CACNA2D3: variants seen among roughly 807,000 people sequenced by gnomAD.
The protein encoded by CACNA2D3 is calcium voltage-gated channel auxiliary subunit alpha2delta 3, also known as voltage-dependent calcium channel subunit alpha-2/delta-3.
A neutral mutation model predicts 160.6 loss-of-function variants in CACNA2D3; 60 were observed. That is an observed-to-expected ratio of 0.37 (90% confidence interval 0.30 to 0.46). The LOEUF (loss-of-function observed/expected upper bound fraction) is 0.46. Ranked by LOEUF, CACNA2D3 falls within the 20% of genes least tolerant of loss-of-function variation. The pLI, the probability that CACNA2D3 is intolerant of heterozygous loss-of-function variation, is 1.00. For missense variants in CACNA2D3, 1,205 were observed against 1,365.0 expected (o/e 0.88, Z 1.85); for synonymous variants, 558 against 492.9 (o/e 1.13, Z -1.75).
chr3:54,811,182 A>G (rs1268225099), intron 13 of CACNA2D3, among the ~76,000 whole-genome samples: 15 of 152,162 alleles, frequency 9.9e-5, no homozygotes, highest in Admixed American at 9.8e-4. Flanking sequence ...ATCCTAAGAG[A>G]CATCTTGAAC....
At chr3:55,010,096 A>T (rs1703177152) in intron 34 of CACNA2D3, among the ~76,000 whole-genome samples, 1 of 152,190 alleles carries the variant, frequency 6.6e-6, no homozygotes, top group South Asian at 2.1e-4. Context: ...GAGAAATCAT[A>T]TTACGTGCTG....
At chr3:54,660,143 C>CTTTTTTTTTTT (rs34482934) in intron 11 of CACNA2D3, among the ~76,000 whole-genome samples, 1 of 142,782 alleles carries the variant, frequency 7.0e-6, no homozygotes, top group Non-Finnish European at 1.5e-5. Flanking sequence ...CTTTTGGTTT[C>CTTTTTTTTTTT]TTTTTTTTTT....
chr3:54,444,090 C>T (rs1000066867), intron 4 of CACNA2D3, among the ~76,000 whole-genome samples: 2 of 152,078 alleles, frequency 1.3e-5, no homozygotes, highest in East Asian at 1.9e-4. Flanking sequence ...GGTATGACAC[C>T]GCATTTCCCC....
At chr3:54,375,677 A>G (rs1232821601) in intron 3 of CACNA2D3, among the ~76,000 whole-genome samples, 1 of 152,044 alleles carries the variant, frequency 6.6e-6, no homozygotes, top group East Asian at 1.9e-4. Flanking sequence ...ATTAGTGGGA[A>G]GTCACTGGTG....
Position 54,608,979 on chromosome 3 carries a change from G to A in CACNA2D3, c.964-18808G>A, listed in dbSNP as rs548013808. On this transcript the variant is annotated intron_variant, in intron 9 of 37. Coordinates refer to ENST00000474759, the MANE Select transcript of CACNA2D3 (RefSeq NM_018398.3). ...GTCTGTTTTCTTAACTACAACCCAA[G>A]AACCTATGCCTCCTGACTGAGCAAT... Among the ~76,000 whole-genome samples the A allele has an allele frequency of 3.9e-5, 6 of 152,228 alleles. 1 individual carries two copies. The South Asian group carries it at 1.2e-3, about 32-fold the overall frequency.
intron 2 of CACNA2D3, among the ~76,000 whole-genome samples, chr3:54,295,866 A>G (rs73091517): frequency 0.019 from 2,884 of 152,308 alleles, 44 homozygotes; most frequent in South Asian, 0.035. Flanking sequence ...GGTTTGCCCA[A>G]TGCAGCTCGC....
intron 16 of CACNA2D3, among the ~76,000 whole-genome samples, chr3:54,841,382 A>T (rs1411498688): frequency 6.6e-6 from 1 of 152,218 alleles, no homozygotes; most frequent in Non-Finnish European, 1.5e-5. Context: ...AAATGCAGGC[A>T]TGTGTGTTTT....
chr3:54,235,884 C>T (rs1279548610), intron 2 of CACNA2D3, among the ~76,000 whole-genome samples: 1 of 152,058 alleles, frequency 6.6e-6, no homozygotes, highest in Non-Finnish European at 1.5e-5. Context: ...AAGAGTACAG[C>T]ATGGAAAGGA....
At chr3:54,551,140 C>T (rs1702150089) in intron 5 of CACNA2D3, among the ~76,000 whole-genome samples, 1 of 152,208 alleles carries the variant, frequency 6.6e-6, no homozygotes, top group Admixed American at 6.5e-5. Context: ...CTCACCCCAG[C>T]CTCCTTTTTA....
At chr3:54,554,339 T>C (rs563217593) in intron 5 of CACNA2D3, among the ~76,000 whole-genome samples, 1 of 152,372 alleles carries the variant, frequency 6.6e-6, no homozygotes, top group South Asian at 2.1e-4. Flanking sequence ...CTTCATTGTC[T>C]GGCATAATGT....
intron 11 of CACNA2D3, among the ~76,000 whole-genome samples, chr3:54,740,329 G>C (rs919187729): frequency 2.0e-5 from 3 of 152,118 alleles, no homozygotes; most frequent in Non-Finnish European, 2.9e-5. Context: ...TTCTCAAAAA[G>C]AAGATAATGG....
intron 5 of CACNA2D3, among the ~76,000 whole-genome samples, chr3:54,531,336 G>A (rs1319499954): frequency 1.3e-5 from 2 of 152,196 alleles, no homozygotes; most frequent in Admixed American, 1.3e-4. Context: ...GCTGCCTCTT[G>A]GAGGAAGTTG....
chr3:54,340,812 C>A (rs1221243545), intron 3 of CACNA2D3, among the ~76,000 whole-genome samples: 2 of 152,182 alleles, frequency 1.3e-5, no homozygotes, highest in Non-Finnish European at 2.9e-5. Context: ...GATCCCCAGT[C>A]CACAAGGCTT....
At chr3:55,008,416 G>A (rs1403418477) in intron 33 of CACNA2D3, among the ~76,000 whole-genome samples, 10 of 152,160 alleles carry the variant, frequency 6.6e-5, no homozygotes, top group African/African-American at 1.7e-4. Context: ...CAGAAACACC[G>A]TGTCACACAA....
intron 24 of CACNA2D3, among the ~76,000 whole-genome samples, chr3:54,888,497 T>G (rs1699980446): frequency 2.0e-5 from 3 of 152,144 alleles, no homozygotes. Flanking sequence ...GGTGGAGGGC[T>G]GTGGGGAAGG....
intron 10 of CACNA2D3, chr3:54,639,673 TTCTC>T (rs1323349768): frequency 4.5e-6 from 1 of 223,038 alleles, no homozygotes; most frequent in African/African-American, 2.4e-5. Flanking sequence ...AGGTGGATCT[TTCTC>T]ACGGAGCAAA....
At chr3:54,853,271 G>A (rs1454599398) in intron 17 of CACNA2D3, among the ~76,000 whole-genome samples, 3 of 152,136 alleles carry the variant, frequency 2.0e-5, no homozygotes, top group Non-Finnish European at 2.9e-5. Flanking sequence ...CTCCCCTGTG[G>A]TCCTTTGTGA....
At chr3:55,066,219 G>T (rs981529488) in intron 35 of CACNA2D3, among the ~76,000 whole-genome samples, 28 of 152,212 alleles carry the variant, frequency 1.8e-4, no homozygotes, top group African/African-American at 6.5e-4. Flanking sequence ...CCGGGGAACA[G>T]GACACTGTGA....
intron 35 of CACNA2D3, among the ~76,000 whole-genome samples, chr3:55,045,860 G>T (rs1704067648): frequency 6.6e-6 from 1 of 151,876 alleles, no homozygotes; most frequent in Admixed American, 6.6e-5. Context: ...CTGTTAGTTT[G>T]ATTTCTCTAT....
Sources: gnomAD v4.1 joint callset for allele counts (sites outside exome capture counted in the v4.1 genomes callset) on GRCh38, gnomAD v4.1.1 for gene constraint, MANE v1.5 for transcripts, NCBI Gene and HGNC (gene_info 2026-07-23, HGNC 2026-07-21) for gene names.